The following NAV3 variants were observed in gnomAD, a reference collection of about 807,000 sequenced individuals.
NAV3 encodes the protein neuron navigator 3, also known as pore membrane and/or filament interacting like protein 1.
Under a neutral mutation model 244.7 loss-of-function variants are expected in NAV3, and 87 were observed. That is an observed-to-expected ratio of 0.36 (90% CI 0.30 to 0.42). The LOEUF is 0.42. NAV3 is among the 20% of genes least tolerant of loss of function. The pLI is 1.00. For synonymous variants in NAV3, 1,126 were observed against 1,042.2 expected (o/e 1.08, Z -1.55); for missense variants, 2,663 against 2,893.3 (o/e 0.92, Z 1.83).
intron 9 of NAV3, chr12:78,037,245 T>C: frequency 1.4e-6 from 1 of 702,860 alleles, no homozygotes; most frequent in South Asian, 1.5e-5. Flanking sequence ...AAACGTGTCC[T>C]CCAAGCCAAG....
chr12:77,980,851 A>G (rs1412607295), intron 5 of NAV3, among the ~76,000 whole-genome samples: 1 of 152,172 alleles, frequency 6.6e-6, no homozygotes, highest in Non-Finnish European at 1.5e-5. Flanking sequence ...TTGAAGTTTG[A>G]CATTCCTAAA....
intron 2 of NAV3, among the ~76,000 whole-genome samples, chr12:77,676,159 A>G (rs949870195): frequency 2.0e-5 from 3 of 151,992 alleles, no homozygotes; most frequent in African/African-American, 4.8e-5. Context: ...TACATGTGCC[A>G]TAGTGGTTTG....
At chr12:77,915,911 C>T (rs1887097378) in intron 1 of NAV3, among the ~76,000 whole-genome samples, 1 of 151,992 alleles carries the variant, frequency 6.6e-6, no homozygotes. Flanking sequence ...TGACATGAAG[C>T]TTACCTTCCA....
At chr12:78,055,195 A>G (rs887916128) in intron 11 of NAV3, among the ~76,000 whole-genome samples, 2 of 151,726 alleles carry the variant, frequency 1.3e-5, no homozygotes, top group African/African-American at 4.8e-5. Context: ...GTAGCAGTCC[A>G]GTTATTCAGT....
At position 78,146,369 on chromosome 12, in the gene NAV3, G is replaced by T; in HGVS notation, c.4684G>T (p.Ala1562Ser). Residue 1562 changes from alanine (A) to serine (S), a missense_variant and splice_region_variant, in exon 21 of 40, where the codon GCT (alanine) becomes TCT (serine). Physicochemically the swap from Ala to Ser is moderately conservative, Grantham distance 99. Coordinates refer to ENST00000397909, the MANE Select transcript of NAV3 (RefSeq NM_001024383.2). ...VSSTSSLYST[A>S]EEKAHSEQIH... ...AGTCTTTCTTTTTATTGTTTTACAGGCTGAAGAAAAGGCTCATTCAGAGGT... is the reference window on the plus strand; with the variant it reads ...AGTCTTTCTTTTTATTGTTTTACAGTCTGAAGAAAAGGCTCATTCAGAGGT... The T allele has an allele frequency of 9.1e-7, 1 of 1,096,246 alleles. No individual in the cohort carries two copies. Among genetic ancestry groups the T allele is most frequent in the Non-Finnish European group, 1.3e-6 (1 of 789,564 alleles). The allele number at this position is 1,096,246 out of a possible 1,614,324, so 67.9% of individuals were successfully genotyped here.
chr12:77,632,864 C>T (rs1156260002), intron 2 of NAV3, among the ~76,000 whole-genome samples: 1 of 152,082 alleles, frequency 6.6e-6, no homozygotes, highest in Non-Finnish European at 1.5e-5. Flanking sequence ...GTGGCAAATA[C>T]AGAGATATAT....
intron 23 of NAV3, among the ~76,000 whole-genome samples, chr12:78,164,024 C>G (rs186485687): frequency 6.6e-6 from 1 of 152,212 alleles, no homozygotes; most frequent in East Asian, 1.9e-4. Flanking sequence ...AATTTTCTCA[C>G]AGAAGGCCAG....
intron 5 of NAV3, among the ~76,000 whole-genome samples, chr12:77,979,233 A>T (rs1869084215): frequency 6.6e-6 from 1 of 151,180 alleles, no homozygotes; most frequent in African/African-American, 2.4e-5. Flanking sequence ...ACAAAAAAAA[A>T]AAAAAAAAGT....
chr12:77,872,344 G>A (rs151301291), intron 1 of NAV3, among the ~76,000 whole-genome samples: 10 of 151,528 alleles, frequency 6.6e-5, no homozygotes, highest in East Asian at 5.8e-4. Flanking sequence ...CAGCTAATAC[G>A]GAAAAAAAAA....
Position 78,149,015 on chromosome 12 carries a change from T to G in NAV3, c.4785+96T>G, listed in dbSNP as rs1038024670. ...AAACTTACAAATTTTCAGTGCCTGA[T>G]ACAGACTTAGATTACCAACTAGCAG... On this transcript the variant is annotated intron_variant, in intron 22 of 39. Coordinates refer to ENST00000397909, the MANE Select transcript of NAV3 (RefSeq NM_001024383.2). 1.9e-5 allele frequency: 19 copies of G among 1,019,220 alleles called. No homozygotes were observed. The African/African-American group carries it at 2.4e-4, about 13-fold the overall frequency. The allele number at this position is 1,019,220 out of a possible 1,614,324, so 63.1% of individuals were successfully genotyped here. A position where few individuals can be genotyped will look rare whatever the true frequency, so the allele number is the denominator to read the frequency against.
chr12:77,814,509 A>G (rs71462114), intron 2 of NAV3, among the ~76,000 whole-genome samples: 7,376 of 152,216 alleles, frequency 0.048, 298 homozygotes, highest in Non-Finnish European at 0.073. Context: ...TTGAATTCAA[A>G]GGGAATGGCT....
intron 7 of NAV3, among the ~76,000 whole-genome samples, chr12:78,003,524 C>A (rs1873685126): frequency 6.6e-6 from 1 of 152,164 alleles, no homozygotes; most frequent in Non-Finnish European, 1.5e-5. Flanking sequence ...TTTGTCAAAG[C>A]AACGCACTAT....
chr12:77,799,620 C>T (rs1356938), intron 2 of NAV3, among the ~76,000 whole-genome samples: 148,535 of 152,258 alleles, frequency 0.98, 72,581 homozygotes, highest in East Asian at 1. Flanking sequence ...TTACATACTA[C>T]CTTATTTCGT....
intron 1 of NAV3, among the ~76,000 whole-genome samples, chr12:77,852,584 T>C (rs148210584): frequency 2.3e-4 from 35 of 151,908 alleles, no homozygotes; most frequent in African/African-American, 4.8e-4. Flanking sequence ...AATAATGTTA[T>C]ACTTATGAAG....
intron 2 of NAV3, among the ~76,000 whole-genome samples, chr12:77,681,125 C>T (rs1408518939): frequency 6.6e-6 from 1 of 152,090 alleles, no homozygotes; most frequent in African/African-American, 2.4e-5. Context: ...GATCACTTCT[C>T]CGATAAGCTC....
intron 2 of NAV3, among the ~76,000 whole-genome samples, chr12:77,627,548 T>C (rs1428742837): frequency 3.3e-5 from 5 of 152,080 alleles, no homozygotes; most frequent in Non-Finnish European, 7.4e-5. Flanking sequence ...CTTCCAAGAC[T>C]GAACCAGGAA....
chr12:78,059,166 A>G, intron 12 of NAV3, 51 bp downstream of exon 12: 2 of 1,555,908 alleles, frequency 1.3e-6, no homozygotes, highest in South Asian at 1.2e-5. Flanking sequence ...GTAATTTTAT[A>G]AATAAGAAAA....
intron 2 of NAV3, among the ~76,000 whole-genome samples, chr12:77,770,448 C>T (rs949973214): frequency 1.2e-4 from 19 of 152,148 alleles, no homozygotes; most frequent in Non-Finnish European, 1.0e-4. Flanking sequence ...ATCTGGCCTT[C>T]CAAGCAGCCA....
chr12:78,138,444 T>G (rs1956467398), intron 19 of NAV3, among the ~76,000 whole-genome samples: 1 of 152,146 alleles, frequency 6.6e-6, no homozygotes, highest in Non-Finnish European at 1.5e-5. Flanking sequence ...ACTCATGTTT[T>G]TCAGGTCACC....
Sources: allele counts gnomAD v4.1 joint callset (sites outside exome capture counted in the v4.1 genomes callset), GRCh38; gene constraint gnomAD v4.1.1; transcripts MANE v1.5; gene names NCBI Gene and HGNC (gene_info 2026-07-23, HGNC 2026-07-21).